The following RBFOX1 variants were observed in gnomAD, a reference collection of about 807,000 sequenced individuals.
RBFOX1 encodes RNA binding protein fox-1 homolog 1.
In RBFOX1, 8 loss-of-function variants were observed where a neutral mutation model predicts 57.7. That is an observed-to-expected ratio of 0.14 (90% CI 0.08 to 0.25). RBFOX1 has a LOEUF of 0.25. Ranked by LOEUF, RBFOX1 falls within the 10% of genes least tolerant of loss-of-function variation. The pLI is 1.00. For missense variants in RBFOX1, 611 were observed against 548.5 expected (o/e 1.11, Z -1.14); for synonymous variants, 326 against 222.4 (o/e 1.47, Z -4.15).
chr16:5,683,608 C>T (rs2050412180), intron 3 of RBFOX1, among the ~76,000 whole-genome samples: 1 of 151,950 alleles, frequency 6.6e-6, no homozygotes, highest in Admixed American at 6.6e-5. Context: ...ATGCCTCCTG[C>T]CCTTGAACAT....
chr16:7,223,557 C>T (rs1027397203), intron 4 of RBFOX1, among the ~76,000 whole-genome samples: 4 of 152,124 alleles, frequency 2.6e-5, no homozygotes, highest in South Asian at 2.1e-4. Context: ...GGCATTTGCA[C>T]AGCCAGTAAT....
intron 1 of RBFOX1, among the ~76,000 whole-genome samples, chr16:5,246,677 C>CT (rs112913760): frequency 0.035 from 5,144 of 145,170 alleles, 166 homozygotes; most frequent in African/African-American, 0.086. Context: ...CTTTTTCTTT[C>CT]TTTTTTTTTT....
At chr16:7,125,739 A>G (rs779400282) in intron 4 of RBFOX1, among the ~76,000 whole-genome samples, 10 of 152,138 alleles carry the variant, frequency 6.6e-5, no homozygotes, top group East Asian at 1.9e-4. Flanking sequence ...GTTTCACACA[A>G]CTATGCAAAT....
At chr16:5,712,436 G>A (rs1472012722) in intron 3 of RBFOX1, among the ~76,000 whole-genome samples, 1 of 152,128 alleles carries the variant, frequency 6.6e-6, no homozygotes, top group Non-Finnish European at 1.5e-5. Context: ...CCAGTTATTG[G>A]GCTCAGATCT....
At chr16:5,299,795 C>T (rs369441806) in intron 1 of RBFOX1, among the ~76,000 whole-genome samples, 1 of 151,896 alleles carries the variant, frequency 6.6e-6, no homozygotes, top group African/African-American at 2.4e-5. Flanking sequence ...ATTTTTTTCC[C>T]TATTGAACTA....
intron 2 of RBFOX1, among the ~76,000 whole-genome samples, chr16:5,553,248 T>G (rs2045533489): frequency 6.6e-6 from 1 of 152,058 alleles, no homozygotes; most frequent in Non-Finnish European, 1.5e-5. Flanking sequence ...AACCTGCACC[T>G]TGTACACATG....
intron 3 of RBFOX1, among the ~76,000 whole-genome samples, chr16:6,893,481 A>C (rs1488581947): frequency 5.3e-5 from 8 of 152,138 alleles, no homozygotes; most frequent in Non-Finnish European, 7.4e-5. Context: ...TGCGATAGAG[A>C]GGTCCCTTGT....
chr16:6,583,067 C>G (rs1242599119), intron 2 of RBFOX1, among the ~76,000 whole-genome samples: 1 of 151,898 alleles, frequency 6.6e-6, no homozygotes, highest in African/African-American at 2.4e-5. Flanking sequence ...GGTGTTCACT[C>G]CATTCTCAGG....
chr16:5,439,005 G>T (rs1486501617), intron 1 of RBFOX1, among the ~76,000 whole-genome samples: 4 of 143,308 alleles, frequency 2.8e-5, no homozygotes, highest in Admixed American at 7.0e-5. Flanking sequence ...TATTGTGAAG[G>T]AAACAGAATG....
intron 1 of RBFOX1, among the ~76,000 whole-genome samples, chr16:5,267,959 G>A (rs1207453460): frequency 2.0e-5 from 3 of 152,086 alleles, no homozygotes; most frequent in Non-Finnish European, 4.4e-5. Flanking sequence ...CACACATGTA[G>A]TCCCAGCTAC....
At chr16:5,689,593 T>C (rs542141350) in intron 3 of RBFOX1, among the ~76,000 whole-genome samples, 2 of 152,272 alleles carry the variant, frequency 1.3e-5, no homozygotes, top group African/African-American at 2.4e-5. Context: ...TTTCTCTTTG[T>C]CCTCTGCAGA....
intron 4 of RBFOX1, among the ~76,000 whole-genome samples, chr16:5,883,129 A>G (rs915305002): frequency 7.2e-5 from 11 of 152,166 alleles, no homozygotes; most frequent in African/African-American, 2.4e-4. Context: ...ACTGTGTGTT[A>G]TATTCCCTCC....
intron 3 of RBFOX1, among the ~76,000 whole-genome samples, chr16:6,798,166 G>C (rs970041788): frequency 6.6e-6 from 1 of 152,144 alleles, no homozygotes; most frequent in Non-Finnish European, 1.5e-5. Context: ...TGAAAGCAGG[G>C]CGTTTCTAGT....
chr16:5,484,876 A>T (rs546974986), intron 2 of RBFOX1, among the ~76,000 whole-genome samples: 1 of 151,296 alleles, frequency 6.6e-6, no homozygotes. Context: ...AGCCTGGGTG[A>T]CATAGTGAGA....
At chr16:7,423,663 T>G (rs1404470965) in intron 4 of RBFOX1, among the ~76,000 whole-genome samples, 2 of 152,148 alleles carry the variant, frequency 1.3e-5, no homozygotes, top group Non-Finnish European at 2.9e-5. Flanking sequence ...TGCATGTGAT[T>G]TGGGGACCTT....
intron 1 of RBFOX1, among the ~76,000 whole-genome samples, chr16:5,437,992 TG>T (rs1364757468): frequency 6.6e-6 from 1 of 152,234 alleles, no homozygotes; most frequent in East Asian, 1.9e-4. Context: ...GTCTCTGTGT[TG>T]TCAAGGGGAC....
intron 3 of RBFOX1, among the ~76,000 whole-genome samples, chr16:6,820,438 G>T (rs72766749): frequency 0.066 from 10,092 of 152,182 alleles, 492 homozygotes; most frequent in Non-Finnish European, 0.11. Flanking sequence ...GGAAAAATCA[G>T]TTGAGGCCAG....
intron 2 of RBFOX1, among the ~76,000 whole-genome samples, chr16:5,549,221 C>A (rs575841667): frequency 6.6e-6 from 1 of 152,174 alleles, no homozygotes; most frequent in African/African-American, 2.4e-5. Context: ...AGCTGAAATG[C>A]GGTCAGCATC....
At chr16:6,050,902 C>A (rs2095545241) in intron 1 of RBFOX1, among the ~76,000 whole-genome samples, 1 of 150,922 alleles carries the variant, frequency 6.6e-6, no homozygotes, top group African/African-American at 2.4e-5. Flanking sequence ...TCAGATTATT[C>A]AATCATCAAC....
Sources: gnomAD v4.1 joint callset for allele counts (sites outside exome capture counted in the v4.1 genomes callset) on GRCh38, gnomAD v4.1.1 for gene constraint, MANE v1.5 for transcripts, NCBI Gene and HGNC (gene_info 2026-07-23, HGNC 2026-07-21) for gene names.